Variants in BMP7 observed in about 807,000 individuals in gnomAD.
BMP7 encodes the protein osteogenic protein 1.
Under a neutral mutation model 41.2 loss-of-function variants are expected in BMP7, and 12 were observed. The observed-to-expected ratio is 0.29, with a 90% CI of 0.19 to 0.47. BMP7 has a LOEUF of 0.47. BMP7 is among the 20% of genes least tolerant of loss of function. The probability of loss-of-function intolerance (pLI) is 0.99; values close to 1 mark genes in which losing one functional copy is unlikely to be tolerated. For missense variants in BMP7, 467 were observed against 606.0 expected (o/e 0.77, Z 2.41); for synonymous variants, 248 against 250.0 (o/e 0.99, Z 0.07).
chr20:57,196,589 G>A (rs899548512), intron 3 of BMP7, among the ~76,000 whole-genome samples: 8 of 152,202 alleles, frequency 5.3e-5, no homozygotes, highest in African/African-American at 1.2e-4. Flanking sequence ...AACCAGATGC[G>A]GGGGTGGGGG....
intron 2 of BMP7, among the ~76,000 whole-genome samples, chr20:57,217,210 T>C (rs1985052577): frequency 7.0e-6 from 1 of 142,654 alleles, no homozygotes; most frequent in Non-Finnish European, 1.5e-5. Flanking sequence ...TTCCGGGACC[T>C]GTGGGTTCAA....
intron 6 of BMP7, 123 bp downstream of exon 6, chr20:57,173,077 A>G: frequency 9.2e-7 from 1 of 1,081,660 alleles, no homozygotes; most frequent in Non-Finnish European, 1.4e-6. Context: ...AGGGGCCCCC[A>G]AAAGTCATGA....
intron 2 of BMP7, among the ~76,000 whole-genome samples, chr20:57,221,023 C>T (rs1029033493): frequency 6.6e-6 from 1 of 152,158 alleles, no homozygotes; most frequent in Non-Finnish European, 1.5e-5. Flanking sequence ...AAGGCTGGGT[C>T]GTGCTTTCAT....
chr20:57,222,939 A>G (rs1985223568), intron 2 of BMP7, among the ~76,000 whole-genome samples: 1 of 151,832 alleles, frequency 6.6e-6, no homozygotes, highest in African/African-American at 2.4e-5. Flanking sequence ...GAGACTGACA[A>G]TTGTGGTCTG....
chr20:57,258,591 T>C (rs1019738391), intron 1 of BMP7, among the ~76,000 whole-genome samples: 22 of 152,228 alleles, frequency 1.4e-4, no homozygotes, highest in Non-Finnish European at 1.5e-5. Flanking sequence ...TACAGAGAGT[T>C]CCGGTATACC....
In BMP7 at chr20:57,265,717, A is replaced by G; in HGVS notation, c.406T>C (p.Phe136Leu). Residue 136 changes from phenylalanine (F) to leucine (L), a missense_variant, in exon 1 of 7, where the codon TTC becomes CTC. By Grantham distance (22) the Phe-to-Leu change is conservative. Transcript: ENST00000395863. ...FLTDADMVMS[F>L]VNLVEHDKEF... Reference sequence around the variant, plus strand: ...TGCCCTTACTCACCGAGGTTGACGAAGCTCATGACCATGTCGGCGTCGGTG... The same window carrying G: ...TGCCCTTACTCACCGAGGTTGACGAGGCTCATGACCATGTCGGCGTCGGTG... 1 of 1,606,610 alleles carries G rather than the reference A, an allele frequency of 6.2e-7. No individual in the cohort carries two copies. Among genetic ancestry groups the G allele is most frequent in the South Asian group, 1.1e-5 (1 of 89,256 alleles).
intron 1 of BMP7, among the ~76,000 whole-genome samples, chr20:57,243,218 C>T (rs1274506194): frequency 6.6e-6 from 1 of 152,170 alleles, no homozygotes; most frequent in African/African-American, 2.4e-5. Flanking sequence ...GGATTGGTGG[C>T]TCACGCCCAT....
At chr20:57,182,648 A>G (rs893765180) in intron 4 of BMP7, among the ~76,000 whole-genome samples, 8 of 152,340 alleles carry the variant, frequency 5.3e-5, no homozygotes, top group Admixed American at 4.6e-4. Context: ...GCCCTTAGAC[A>G]AACGACTTAC....
intron 2 of BMP7, among the ~76,000 whole-genome samples, chr20:57,220,699 A>T (rs528334477): frequency 6.6e-6 from 1 of 152,204 alleles, no homozygotes; most frequent in African/African-American, 2.4e-5. Context: ...CCACTGGCAC[A>T]CAGCTGTAAA....
intron 1 of BMP7, among the ~76,000 whole-genome samples, chr20:57,255,041 G>C (rs2146029535): frequency 6.6e-6 from 1 of 152,264 alleles, no homozygotes; most frequent in Non-Finnish European, 1.5e-5. Context: ...GATAACAGAA[G>C]GGAAAGGTGT....
chr20:57,258,689 T>A (rs2066143214), intron 1 of BMP7, among the ~76,000 whole-genome samples: 1 of 152,214 alleles, frequency 6.6e-6, no homozygotes, highest in Non-Finnish European at 1.5e-5. Context: ...CCTTAGACTC[T>A]ATTCATCCTC....
intron 1 of BMP7, among the ~76,000 whole-genome samples, chr20:57,262,090 T>G (rs570324195): frequency 5.9e-5 from 9 of 152,340 alleles, no homozygotes; most frequent in African/African-American, 2.2e-4. Flanking sequence ...GGACCAGAGA[T>G]AAACATGATG....
intron 1 of BMP7, among the ~76,000 whole-genome samples, chr20:57,242,629 G>A (rs774290718): frequency 3.9e-5 from 6 of 152,240 alleles, no homozygotes; most frequent in Non-Finnish European, 8.8e-5. Context: ...ACTGAGACAC[G>A]TGGGGCTACT....
At chr20:57,255,799 CAAAAAAAA>C (rs3067106) in intron 1 of BMP7, among the ~76,000 whole-genome samples, 16 of 48,626 alleles carry the variant, frequency 3.3e-4, no homozygotes, top group Admixed American at 7.1e-4. Flanking sequence ...GACTCCATCT[CAAAAAAAA>C]AAAAAAAAAA....
chr20:57,249,877 C>T (rs2066105276), intron 1 of BMP7, among the ~76,000 whole-genome samples: 1 of 152,144 alleles, frequency 6.6e-6, no homozygotes. Context: ...CCCCTTCCTG[C>T]CATGATCTCA....
At chr20:57,173,119 C>A in intron 6 of BMP7, 81 bp downstream of exon 6, 1 of 1,436,364 alleles carries the variant, frequency 7.0e-7, no homozygotes. Context: ...ACTCAGGCCC[C>A]AGCTTGGAGG....
chr20:57,214,918 T>C lies in BMP7; in HGVS notation c.612-12295A>G, dbSNP rs112881717. On this transcript the variant is annotated intron_variant, in intron 2 of 6. Coordinates refer to ENST00000395863, the MANE Select transcript of BMP7 (RefSeq NM_001719.3). This position sits in a 1 kb window ranked among gnomAD's most constrained non-coding sequence, Gnocchi z 4.0. ...AGGCCTCAGATGCACGCTGGACAAA[T>C]GTGCTGGTATCCTCTGCATCCTTAT... 1.1e-3 allele frequency: 166 copies of C among 152,382 alleles called. No homozygotes were observed. Among genetic ancestry groups the C allele is most frequent in the African/African-American group, 3.8e-3 (158 of 41,592 alleles). The allele number at this position is 152,382 out of a possible 1,614,324, so 9.4% of individuals were successfully genotyped here. A position where few individuals can be genotyped will look rare whatever the true frequency, so the allele number is the denominator to read the frequency against.
At chr20:57,233,274 A>C (rs1464970668) in intron 1 of BMP7, among the ~76,000 whole-genome samples, 1 of 152,118 alleles carries the variant, frequency 6.6e-6, no homozygotes, top group East Asian at 1.9e-4. Flanking sequence ...GGGCTGAGAG[A>C]GCTTACAGGC....
chr20:57,256,566 C>A (rs1359359326), intron 1 of BMP7, among the ~76,000 whole-genome samples: 1 of 152,126 alleles, frequency 6.6e-6, no homozygotes, highest in Non-Finnish European at 1.5e-5. Flanking sequence ...GGGTACATAC[C>A]CTAAATAGAA....
Sources: allele counts gnomAD v4.1 joint callset (sites outside exome capture counted in the v4.1 genomes callset), GRCh38; gene constraint gnomAD v4.1.1; non-coding constraint Gnocchi (gnomAD v3.1); transcripts MANE v1.5; gene names NCBI Gene and HGNC (gene_info 2026-07-23, HGNC 2026-07-21).